KLHL41: variants seen among roughly 807,000 people sequenced by gnomAD.
KLHL41 encodes kelch like family member 41, also known as kelch-like protein 41.
Under a neutral mutation model 49.2 loss-of-function variants are expected in KLHL41, and 31 were observed. That is an observed-to-expected ratio of 0.63 (90% CI 0.47 to 0.85). KLHL41 has a LOEUF of 0.85. KLHL41 is among the 40% of genes least tolerant of loss of function. KLHL41 has a pLI of 0.00. For missense variants in KLHL41, 663 were observed against 726.7 expected, an observed-to-expected ratio of 0.91 and a Z score of 1.01; for synonymous variants, 218 against 258.5, an observed-to-expected ratio of 0.84 and a Z score of 1.50.
intron 1 of KLHL41, among the ~76,000 whole-genome samples, chr2:169,512,498 C>T (rs969223238): frequency 6.6e-6 from 1 of 152,110 alleles, no homozygotes; most frequent in Non-Finnish European, 1.5e-5. Context: ...ATCTATAACA[C>T]GGTCCTTTTT....
At position 169,525,556 on chromosome 2, in the gene KLHL41, T is replaced by A. The variant is rs373609948; in HGVS notation, c.1710-29T>A. ...GGAAACCTATGGAACTAAAGCTGCT[T>A]ATTGATTACTTTTTTTTTCCTCCAT... On this transcript the variant is annotated intron_variant, in intron 5 of 5. Coordinates refer to ENST00000284669, the MANE Select transcript of KLHL41 (RefSeq NM_006063.3). 3 of 1,351,152 alleles carry A rather than the reference T, an allele frequency of 2.2e-6. No homozygotes were observed. The African/African-American group carries it at 4.3e-5, about 19-fold the overall frequency. The allele number at this position is 1,351,152 out of a possible 1,614,324, so 83.7% of individuals were successfully genotyped here. A position where few individuals can be genotyped will look rare whatever the true frequency, so the allele number is the denominator to read the frequency against.
chr2:169,521,161 T>A (rs1684197568), intron 5 of KLHL41, among the ~76,000 whole-genome samples, 154 bp downstream of exon 5: 1 of 152,240 alleles, frequency 6.6e-6, no homozygotes, highest in South Asian at 2.1e-4. Flanking sequence ...CTTCTGTACA[T>A]GCCACTTACT....
chr2:169,525,168 A>G (rs993931765), intron 5 of KLHL41, among the ~76,000 whole-genome samples: 1 of 152,218 alleles, frequency 6.6e-6, no homozygotes, highest in Non-Finnish European at 1.5e-5. Context: ...GCACTAGTGT[A>G]TAGGAACAAT....
rs1264595242 is a variant in KLHL41, at chr2:169,510,840, T to C, written c.1062T>C (p.Tyr354=). 6.2e-7 allele frequency: 1 copy of C among 1,613,932 alleles called. No homozygotes were observed. ...AGATATATGTGGTAGGAGGACTATA[T>C]GTGGATGAAGAAAATAAGGATCAAC... The part of the protein sequence containing the change: ...QNQIYVVGGL[Y]VDEENKDQPL... The change falls in exon 1 of 6, where the codon TAT becomes TAC. Residue 354 remains tyrosine (Y), a synonymous_variant. Transcript: ENST00000284669. This position sits in a 1 kb window ranked among gnomAD's most constrained non-coding sequence, Gnocchi z 4.2.
At chr2:169,512,724 C>T (rs1684046895) in intron 1 of KLHL41, among the ~76,000 whole-genome samples, 1 of 152,102 alleles carries the variant, frequency 6.6e-6, no homozygotes. Flanking sequence ...AGGATAAAAA[C>T]ACTTCACCAT....
At chr2:169,525,249 T>C (rs1684283582) in intron 5 of KLHL41, among the ~76,000 whole-genome samples, 3 of 152,226 alleles carry the variant, frequency 2.0e-5, no homozygotes, top group Non-Finnish European at 4.4e-5. Context: ...AGAGTCTGCT[T>C]ACTTTGACTC....
intron 3 of KLHL41, among the ~76,000 whole-genome samples, chr2:169,517,323 C>T (rs1192871604): frequency 3.3e-5 from 5 of 152,132 alleles, no homozygotes; most frequent in African/African-American, 9.7e-5. Flanking sequence ...ATACTAAGGG[C>T]GGGGCATGGT....
chr2:169,516,152 A>G (rs138028675), intron 3 of KLHL41, among the ~76,000 whole-genome samples: 290 of 152,346 alleles, frequency 1.9e-3, no homozygotes, highest in African/African-American at 6.6e-3. Context: ...TGCCCAGGCC[A>G]TTGAATTAAT....
At chr2:169,524,912 C>T (rs1225023942) in intron 5 of KLHL41, among the ~76,000 whole-genome samples, 5 of 152,042 alleles carry the variant, frequency 3.3e-5, no homozygotes, top group African/African-American at 4.8e-5. Context: ...AGAGAGAAGG[C>T]GGCATTTAGA....
At chr2:169,525,562 T>C in intron 5 of KLHL41, 23 bp from the exon 6 acceptor site, 2 of 1,398,902 alleles carry the variant, frequency 1.4e-6, no homozygotes, top group East Asian at 4.6e-5. Context: ...TGCTTATTGA[T>C]TACTTTTTTT....
rs140906807 is a variant in KLHL41, at chr2:169,514,325, A to G, written c.1111-249A>G. On this transcript the variant is annotated intron_variant, in intron 1 of 5. Coordinates refer to ENST00000284669, the MANE Select transcript of KLHL41 (RefSeq NM_006063.3). Reference sequence around the variant, plus strand: ...GTTGTAATTAACCTCTGGTGATTCTATTTTATTTTTTCTTTTCTTGAAGCC... The same window carrying G: ...GTTGTAATTAACCTCTGGTGATTCTGTTTTATTTTTTCTTTTCTTGAAGCC... 192 of 347,028 alleles carry G rather than the reference A, an allele frequency of 5.5e-4. 3 individuals carry two copies. In the East Asian group the frequency reaches 9.6e-3, roughly 17 times the overall value. 21.5% of individuals were successfully genotyped at this position (347,028 alleles called of 1,614,324 possible). A position where few individuals can be genotyped will look rare whatever the true frequency, so the allele number is the denominator to read the frequency against.
At chr2:169,518,135 T>G in intron 3 of KLHL41, 55 bp from the exon 4 acceptor site, 1 of 1,294,950 alleles carries the variant, frequency 7.7e-7, no homozygotes, top group East Asian at 2.3e-5. Context: ...AAATTATTAG[T>G]GAAGGTGCTG....
At chr2:169,519,636 C>T (rs970754491) in intron 4 of KLHL41, among the ~76,000 whole-genome samples, 10 of 147,522 alleles carry the variant, frequency 6.8e-5, no homozygotes, top group African/African-American at 2.5e-4. Flanking sequence ...TCTGTACTTT[C>T]CAGATTTTCT....
chr2:169,521,101 C>A, intron 5 of KLHL41, 94 bp downstream of exon 5: 2 of 1,168,134 alleles, frequency 1.7e-6, no homozygotes, highest in Non-Finnish European at 1.2e-6. Flanking sequence ...ATTTTCCCAA[C>A]ATGCAAGCTA....
rs551108738 is a variant in KLHL41, at chr2:169,517,744, G to A, written c.1377-446G>A. Among the ~76,000 whole-genome samples the A allele has an allele frequency of 9.9e-5, 15 of 152,224 alleles. No homozygotes were observed. In the South Asian group the frequency reaches 3.1e-3, roughly 32 times the overall value. ...TGTTAGTGCTAATATAAAATAAAAT[G>A]ATCTATCATATAAAATTTAAAGTAG... On this transcript the variant is annotated intron_variant, in intron 3 of 5. Coordinates refer to ENST00000284669, the MANE Select transcript of KLHL41 (RefSeq NM_006063.3).
Position 169,509,830 on chromosome 2 carries a change from C to G in KLHL41, c.52C>G (p.Leu18Val). The change falls in exon 1 of 6, where the codon CTT becomes GTT. Residue 18 changes from leucine to valine, a missense_variant. By Grantham distance (32) the Leu-to-Val change is conservative. Around this residue, in one of 3 missense-constraint regions of KLHL41, gnomAD observed 129 missense variants for 122.1 expected, o/e 1.06. Transcript: ENST00000284669. ...GGAACTGCGGCTTTACCAATCCACC[C>G]TTCTTCAGGATGGTCTAAAAGATCT... The part of the protein sequence containing the change: ...AEELRLYQST[L>V]LQDGLKDLLD... 1 of 1,613,854 alleles carries G rather than the reference C, an allele frequency of 6.2e-7. No individual in the cohort carries two copies. Among genetic ancestry groups the G allele is most frequent in the Admixed American group, 1.7e-5 (1 of 60,014 alleles).
At chr2:169,524,607 G>A (rs1199100071) in intron 5 of KLHL41, among the ~76,000 whole-genome samples, 10 of 151,540 alleles carry the variant, frequency 6.6e-5, no homozygotes, top group East Asian at 1.9e-4. Context: ...CATATTGGCC[G>A]GGCTGGTCTC....
rs200482830 is a variant in KLHL41 at position 169,515,182 on chromosome 2, C to T, written c.1376+221C>T. On this transcript the variant is annotated intron_variant, in intron 3 of 5. Coordinates refer to ENST00000284669, the MANE Select transcript of KLHL41 (RefSeq NM_006063.3). ...CTGAGTAGCTGGGATTACAGGCATG[C>T]TCCACCACGCCTGGCTAATTTTGTA... 0.038 allele frequency among the ~76,000 whole-genome samples: 5,732 copies of T among 151,966 alleles called. 140 individuals are homozygous for T. Among genetic ancestry groups the T allele is most frequent in the East Asian group, 0.11 (545 of 5,160 alleles).
At chr2:169,518,075 T>A in intron 3 of KLHL41, 115 bp from the exon 4 acceptor site, 1 of 702,404 alleles carries the variant, frequency 1.4e-6, no homozygotes, top group Non-Finnish European at 2.3e-6. Flanking sequence ...AATTAAGAAT[T>A]CTTTGGAGTT....
Sources: allele counts gnomAD v4.1 joint callset (sites outside exome capture counted in the v4.1 genomes callset), GRCh38; gene constraint gnomAD v4.1.1; regional missense constraint gnomAD v4.1.1; non-coding constraint Gnocchi (gnomAD v3.1); transcripts MANE v1.5; gene names NCBI Gene and HGNC (gene_info 2026-07-23, HGNC 2026-07-21).